The following MGAT5 variants were observed in gnomAD, a reference collection of about 807,000 sequenced individuals.
MGAT5 encodes alpha-1,6-mannosylglycoprotein 6-beta-N-acetylglucosaminyltransferase.
Under a neutral mutation model 94.3 loss-of-function variants are expected in MGAT5, and 30 were observed. The ratio of observed to expected loss-of-function variants is 0.32; its 90% CI spans 0.24 to 0.43. The LOEUF (loss-of-function observed/expected upper bound fraction) is 0.43, where lower values mean the gene tolerates loss of function less well. Ranked by LOEUF, MGAT5 falls within the 20% of genes least tolerant of loss-of-function variation. The probability of loss-of-function intolerance (pLI) is 1.00; values close to 1 mark genes in which losing one functional copy is unlikely to be tolerated. For synonymous variants in MGAT5, 310 were observed against 322.9 expected, an observed-to-expected ratio of 0.96 and a Z score of 0.43; for missense variants, 691 against 905.5, an observed-to-expected ratio of 0.76 and a Z score of 3.04.
rs1360335251 is a variant in MGAT5, at chr2:134,450,940, G to C, written c.*2093G>C. The C allele has an allele frequency of 6.6e-6, 1 of 152,118 alleles. No homozygotes were observed. The highest frequency in any genetic ancestry group is 1.9e-4 in the East Asian group (1 of 5,190). 9.4% of individuals were successfully genotyped at this position (152,118 alleles called of 1,614,324 possible). A position where few individuals can be genotyped will look rare whatever the true frequency, so the allele number is the denominator to read the frequency against. ...CTTTTTCCTTGTGAATGGGCCTCTT[G>C]GCTGTACCCTAGGGTGTGGGAATTT... On this transcript the variant is annotated 3_prime_UTR_variant, in exon 16 of 16. Coordinates refer to ENST00000281923, the MANE Select transcript of MGAT5 (RefSeq NM_002410.5).
At chr2:134,179,242 C>T (rs1222825632) in intron 1 of MGAT5, among the ~76,000 whole-genome samples, 1 of 151,998 alleles carries the variant, frequency 6.6e-6, no homozygotes, top group African/African-American at 2.4e-5. Context: ...GAGGGGTTGT[C>T]TAGTGTTATT....
chr2:134,358,175 A>G (rs1054334436), intron 9 of MGAT5, among the ~76,000 whole-genome samples: 1 of 142,996 alleles, frequency 7.0e-6, no homozygotes. Context: ...TCCTCTCTCT[A>G]TCCATCACTC....
chr2:134,242,869 C>T (rs1227348606), intron 1 of MGAT5, among the ~76,000 whole-genome samples: 1 of 152,152 alleles, frequency 6.6e-6, no homozygotes, highest in Non-Finnish European at 1.5e-5. Context: ...ACAAGTCCTT[C>T]CATAGTGTGG....
rs150412974 is a variant in MGAT5, at chr2:134,291,953, C to G, written c.406+21403C>G. Among the ~76,000 whole-genome samples, 140 of 152,206 alleles carry G rather than the reference C, an allele frequency of 9.2e-4. 1 individual carries two copies. The highest frequency in any genetic ancestry group is 3.1e-3 in the African/African-American group (130 of 41,530). On this transcript the variant is annotated intron_variant, in intron 2 of 15. Coordinates refer to ENST00000281923, the MANE Select transcript of MGAT5 (RefSeq NM_002410.5). The stretch of plus-strand genomic sequence containing the variant: ...ATTCTGGAACTTTCCGTGACTGTTT[C>G]TCTAGAAGGTGTCCGTCTCAGATTC...
chr2:134,401,848 A>T (rs549666746), intron 10 of MGAT5, among the ~76,000 whole-genome samples: 3 of 152,336 alleles, frequency 2.0e-5, no homozygotes, highest in East Asian at 3.9e-4. Flanking sequence ...CTTTTGATAC[A>T]TCACTTGAAA....
chr2:134,428,333 C>T, intron 13 of MGAT5, 32 bp from the exon 14 acceptor site: 1 of 1,604,038 alleles, frequency 6.2e-7, no homozygotes, highest in Non-Finnish European at 8.5e-7. Context: ...CTCTGTCCTT[C>T]TCCTTCATGG....
chr2:134,329,445 G>A (rs1333759390), intron 4 of MGAT5, among the ~76,000 whole-genome samples: 3 of 152,196 alleles, frequency 2.0e-5, no homozygotes, highest in Admixed American at 6.6e-5. Context: ...GTACTGCCAC[G>A]CAGCGGGAGT....
At chr2:134,383,663 G>A (rs1193120663) in intron 10 of MGAT5, among the ~76,000 whole-genome samples, 2 of 151,814 alleles carry the variant, frequency 1.3e-5, no homozygotes, top group African/African-American at 2.4e-5. Context: ...ACAAACTGCA[G>A]CCCACATACC....
chr2:134,331,546 C>T (rs1687975053), intron 4 of MGAT5, among the ~76,000 whole-genome samples: 1 of 152,060 alleles, frequency 6.6e-6, no homozygotes, highest in East Asian at 1.9e-4. Context: ...CTGTCCAGTC[C>T]CTTCCCTGGC....
In MGAT5 at chr2:134,454,581, C is replaced by G. The variant is rs1686274023; in HGVS notation, c.*5734C>G. On this transcript the variant is annotated 3_prime_UTR_variant, in exon 16 of 16. Transcript: ENST00000281923. ...TTGTTTTCCACTGTTGTAGAGAAAA[C>G]TAGGGAGAACTTTATTTTTCAATAA... 6.6e-6 allele frequency: 1 copy of G among 152,084 alleles called. No homozygotes were observed. The highest frequency in any genetic ancestry group is 2.4e-5 in the African/African-American group (1 of 41,396). The allele number at this position is 152,084 out of a possible 1,614,324, so 9.4% of individuals were successfully genotyped here. A position where few individuals can be genotyped will look rare whatever the true frequency, so the allele number is the denominator to read the frequency against.
At chr2:134,341,156 A>C (rs1396062641) in intron 6 of MGAT5, among the ~76,000 whole-genome samples, 1 of 152,084 alleles carries the variant, frequency 6.6e-6, no homozygotes, top group East Asian at 1.9e-4. Flanking sequence ...ATAATTGTTG[A>C]AGCTACACAG....
chr2:134,403,198 A>C (rs1209997347), intron 11 of MGAT5, 61 bp downstream of exon 11: 1 of 1,489,952 alleles, frequency 6.7e-7, no homozygotes, highest in Non-Finnish European at 9.0e-7. Context: ...AAATGGGATC[A>C]GAATATTTCA....
chr2:134,421,410 C>G (rs1251145668), intron 12 of MGAT5, among the ~76,000 whole-genome samples: 1 of 152,052 alleles, frequency 6.6e-6, no homozygotes, highest in South Asian at 2.1e-4. Context: ...ATGATGAAAC[C>G]CCATCTCTAC....
intron 1 of MGAT5, among the ~76,000 whole-genome samples, chr2:134,145,214 C>CTCTCTCTGTGTGTGTGTGTGTG (rs373377770): frequency 2.4e-4 from 35 of 143,868 alleles, no homozygotes; most frequent in East Asian, 1.4e-3. Context: ...GTCTCTCTCT[C>CTCTCTCTGTGTGTGTGTGTGTG]TGTGTGTGTG....
intron 1 of MGAT5, among the ~76,000 whole-genome samples, chr2:134,257,836 C>CCTTTTTTT (rs781189819): frequency 0.04 from 4,222 of 105,932 alleles, 477 homozygotes; most frequent in East Asian, 0.068. Flanking sequence ...TTTGCAGTCT[C>CCTTTTTTT]TTTTTTTTTT....
intron 1 of MGAT5, among the ~76,000 whole-genome samples, chr2:134,172,570 T>C (rs1688266328): frequency 6.6e-6 from 1 of 152,126 alleles, no homozygotes; most frequent in Non-Finnish European, 1.5e-5. Flanking sequence ...GTATTTTTAG[T>C]AGAGACGGGT....
At chr2:134,390,038 C>A (rs1682302754) in intron 10 of MGAT5, among the ~76,000 whole-genome samples, 1 of 152,154 alleles carries the variant, frequency 6.6e-6, no homozygotes, top group African/African-American at 2.4e-5. Context: ...CTTCAGACTG[C>A]CACTGGGTCT....
chr2:134,430,007 G>A (rs879265000), intron 14 of MGAT5, among the ~76,000 whole-genome samples: 2 of 152,132 alleles, frequency 1.3e-5, no homozygotes, highest in Non-Finnish European at 2.9e-5. Flanking sequence ...TGCTTACCAG[G>A]GCCTCAGGAG....
rs189210092 is a variant in MGAT5 at position 134,420,337 on chromosome 2, G to C, written c.1678-2466G>C. On this transcript the variant is annotated intron_variant, in intron 12 of 15. Coordinates refer to ENST00000281923, the MANE Select transcript of MGAT5 (RefSeq NM_002410.5). The stretch of plus-strand genomic sequence containing the variant: ...AATGGAAGTTTTCTGAGTTCCGTGG[G>C]CCTGCAGAGAGTCTGTAGCTTTTAT... Among the ~76,000 whole-genome samples the C allele has an allele frequency of 1.1e-4, 16 of 152,314 alleles. No individual in the cohort carries two copies. The East Asian group carries it at 2.7e-3, about 26-fold the overall frequency.
Sources: allele counts gnomAD v4.1 joint callset (sites outside exome capture counted in the v4.1 genomes callset), GRCh38; gene constraint gnomAD v4.1.1; transcripts MANE v1.5; gene names NCBI Gene and HGNC (gene_info 2026-07-23, HGNC 2026-07-21).